Variants in ERP27 observed in about 807,000 individuals in gnomAD.
ERP27 encodes endoplasmic reticulum resident protein 27.
Under a neutral mutation model 27.7 loss-of-function variants are expected in ERP27, and 23 were observed. The observed-to-expected ratio is 0.83, with a 90% CI of 0.60 to 1.18. The LOEUF (loss-of-function observed/expected upper bound fraction) is 1.18, where lower values mean the gene tolerates loss of function less well. ERP27 is among the 50% of genes most tolerant of loss of function. ERP27 has a pLI of 0.00. For synonymous variants in ERP27, 159 were observed against 118.3 expected (o/e 1.34, Z -2.23); for missense variants, 363 against 327.9 (o/e 1.11, Z -0.83).
At chr12:14,927,934 A>G (rs1156496935) in intron 3 of ERP27, among the ~76,000 whole-genome samples, 1 of 152,138 alleles carries the variant, frequency 6.6e-6, no homozygotes, top group Non-Finnish European at 1.5e-5. Context: ...CATTCTTCCA[A>G]TCATTGTTCT....
intron 5 of ERP27, among the ~76,000 whole-genome samples, chr12:14,916,171 A>T (rs1282881450): frequency 1.3e-5 from 2 of 152,222 alleles, no homozygotes; most frequent in East Asian, 3.8e-4. Flanking sequence ...TGAACTTAAA[A>T]GTTAAAAAAA....
chr12:14,920,825 A>G (rs1485268771), intron 4 of ERP27, 107 bp downstream of exon 4: 2 of 794,972 alleles, frequency 2.5e-6, no homozygotes, highest in Non-Finnish European at 4.3e-6. Flanking sequence ...ACAGTATTGT[A>G]TTGGTCGAAG....
intron 1 of ERP27, 59 bp downstream of exon 1, chr12:14,938,356 C>T: frequency 1.3e-6 from 2 of 1,539,920 alleles, no homozygotes; most frequent in Non-Finnish European, 1.8e-6. Flanking sequence ...ACCATGCTCC[C>T]TTTCCTTCTC....
At chr12:14,928,050 A>G (rs970535595) in intron 3 of ERP27, among the ~76,000 whole-genome samples, 4 of 152,192 alleles carry the variant, frequency 2.6e-5, no homozygotes, top group African/African-American at 7.2e-5. Flanking sequence ...AATTATTAGT[A>G]TCAGCTCCTG....
At chr12:14,920,817 A>C (rs1431895972) in intron 4 of ERP27, 115 bp downstream of exon 4, 1 of 735,128 alleles carries the variant, frequency 1.4e-6, no homozygotes, top group Non-Finnish European at 2.4e-6. Flanking sequence ...TAAACAATAC[A>C]GTATTGTATT....
chr12:14,916,264 A>T (rs997807032), intron 5 of ERP27, among the ~76,000 whole-genome samples: 5 of 152,164 alleles, frequency 3.3e-5, no homozygotes, highest in African/African-American at 1.2e-4. Flanking sequence ...TAGAATTGGA[A>T]ATTACTTTAG....
At chr12:14,937,311 C>G (rs1228845953) in intron 2 of ERP27, among the ~76,000 whole-genome samples, 1 of 152,116 alleles carries the variant, frequency 6.6e-6, no homozygotes, top group African/African-American at 2.4e-5. Flanking sequence ...GTGAGGATTT[C>G]CAGATGCTAC....
chr12:14,929,369 C>T (rs755350808), intron 3 of ERP27, among the ~76,000 whole-genome samples: 1 of 152,174 alleles, frequency 6.6e-6, no homozygotes, highest in Non-Finnish European at 1.5e-5. Context: ...CATGCCCGAT[C>T]TTTCATTATT....
chr12:14,932,470 A>G (rs1863711394), intron 3 of ERP27, among the ~76,000 whole-genome samples: 1 of 152,184 alleles, frequency 6.6e-6, no homozygotes, highest in South Asian at 2.1e-4. Context: ...GATGATCATT[A>G]TGTGTATAGT....
intron 3 of ERP27, among the ~76,000 whole-genome samples, chr12:14,934,575 A>T (rs1052593442): frequency 1.3e-5 from 2 of 152,174 alleles, no homozygotes; most frequent in African/African-American, 2.4e-5. Context: ...AAAGAATTGG[A>T]GATAAAAAAT....
At chr12:14,923,479 T>C (rs538951506) in intron 3 of ERP27, among the ~76,000 whole-genome samples, 38 of 146,896 alleles carry the variant, frequency 2.6e-4, no homozygotes, top group African/African-American at 9.4e-4. Flanking sequence ...ATAATATCTA[T>C]CTATCTATAA....
chr12:14,929,471 G>A (rs371759697), intron 3 of ERP27, among the ~76,000 whole-genome samples: 2 of 152,234 alleles, frequency 1.3e-5, no homozygotes, highest in African/African-American at 2.4e-5. Flanking sequence ...GGAATTATTT[G>A]CATAATGCAC....
chr12:14,924,550 C>T (rs1863567354), intron 3 of ERP27, among the ~76,000 whole-genome samples: 1 of 152,070 alleles, frequency 6.6e-6, no homozygotes, highest in South Asian at 2.1e-4. Context: ...TATTTTTTGT[C>T]TTTTTGATGA....
In ERP27 at chr12:14,915,531, A is replaced by G. The variant is rs749296841; in HGVS notation, c.732T>C (p.His244=). The change falls in exon 6 of 7, where the codon CAT becomes CAC. Residue 244 remains histidine, a synonymous_variant. Transcript: ENST00000266397. ...GGAATCCATCACAAAAGTTTTGCAC[A>G]TGCTCTACGGAAACTTCTGCTGTGG... ...TLPTAEVSVE[H]VQNFCDGFLS... is the part of the protein sequence containing the mutation. 17 of 1,614,098 alleles carry G rather than the reference A, an allele frequency of 1.1e-5. No individual in the cohort carries two copies. In the South Asian group the frequency reaches 1.9e-4, roughly 18 times the overall value.
Position 14,938,490 on chromosome 12 carries a change from T to G in ERP27, c.19A>C (p.Arg7=). 1 of 1,613,198 alleles carries G rather than the reference T, an allele frequency of 6.2e-7. No individual in the cohort carries two copies. Among genetic ancestry groups the G allele is most frequent in the African/African-American group, 1.3e-5 (1 of 74,996 alleles). Residue 7 remains arginine (R), a synonymous_variant, in exon 1 of 7, where the codon AGG becomes CGG. Coordinates refer to ENST00000266397, the MANE Select transcript of ERP27 (RefSeq NM_152321.4). ...AGGAGAAATAAGAGGAACATGAACCTGGACGGGGCAGCTTCCATTGTCCCT... is the reference window on the plus strand; with the variant it reads ...AGGAGAAATAAGAGGAACATGAACCGGGACGGGGCAGCTTCCATTGTCCCT... MEAAPS[R]FMFLLFLLTC...
chr12:14,915,985 A>G (rs1442199609), intron 5 of ERP27: 2 of 263,698 alleles, frequency 7.6e-6, no homozygotes, highest in East Asian at 8.1e-5. Context: ...TCCTGAACAC[A>G]AAGAAGGGAA....
At position 14,934,959 on chromosome 12, in the gene ERP27, C is replaced by G; in HGVS notation, c.230G>C (p.Ser77Thr). 6.2e-7 allele frequency: 1 copy of G among 1,614,082 alleles called. No individual in the cohort carries two copies. The highest frequency in any genetic ancestry group is 1.6e-4 in the Middle Eastern group (1 of 6,062). Reference protein sequence around the residue: ...LEIPAVPILHSMVQKFPGVSF... With the variant: ...LEIPAVPILHTMVQKFPGVSF... ...CACGCCTGGGAATTTTTGCACCATGCTATGGAGTATGGGCACTGCTGGTAT... is the reference window on the plus strand; with the variant it reads ...CACGCCTGGGAATTTTTGCACCATGGTATGGAGTATGGGCACTGCTGGTAT... The change falls in exon 3 of 7, where the codon AGC becomes ACC. Residue 77 changes from serine (S) to threonine (T), a missense_variant. Physicochemically the swap from Ser to Thr is moderately conservative, Grantham distance 58 (BLOSUM62 1). Transcript: ENST00000266397.
Position 14,915,665 on chromosome 12 carries a change from T to G in ERP27, c.598A>C (p.Ser200Arg), listed in dbSNP as rs369841208. Residue 200 changes from serine (S) to arginine (R), a missense_variant, in exon 6 of 7, where the codon AGT (serine) becomes CGT (arginine). Ser to Arg is a moderately radical substitution (Grantham distance 110). Transcript: ENST00000266397. The stretch of plus-strand genomic sequence containing the variant: ...ACCTTCCCATTTTCTTTCATACCAC[T>G]GTCCACCAGAATAAAGAGAATCTGC... ...QGKILFILVD[S>R]GMKENGKVIS... The G allele has an allele frequency of 1.1e-5, 17 of 1,613,862 alleles. No homozygotes were observed. Among genetic ancestry groups the G allele is most frequent in the Non-Finnish European group, 1.4e-5 (17 of 1,179,842 alleles).
At chr12:14,918,290 C>T (rs1433483713) in intron 4 of ERP27, among the ~76,000 whole-genome samples, 1 of 152,164 alleles carries the variant, frequency 6.6e-6, no homozygotes, top group Non-Finnish European at 1.5e-5. Flanking sequence ...GATAGCAAAA[C>T]CCCATATAAA....
Sources: allele counts gnomAD v4.1 joint callset (sites outside exome capture counted in the v4.1 genomes callset), GRCh38; gene constraint gnomAD v4.1.1; transcripts MANE v1.5; gene names NCBI Gene and HGNC (gene_info 2026-07-23, HGNC 2026-07-21).